Variants in BMP7 observed in about 807,000 individuals in gnomAD.
BMP7 encodes bone morphogenetic protein 7.
Under a neutral mutation model 41.2 loss-of-function variants are expected in BMP7, and 12 were observed. The ratio of observed to expected loss-of-function variants is 0.29; its 90% CI spans 0.19 to 0.47. The LOEUF is 0.47. BMP7 is among the 20% of genes least tolerant of loss of function. The pLI, the probability that BMP7 is intolerant of heterozygous loss-of-function variation, is 0.99. For missense variants in BMP7, 467 were observed against 606.0 expected (o/e 0.77, Z 2.41); for synonymous variants, 248 against 250.0 (o/e 0.99, Z 0.07).
At chr20:57,247,767 A>G (rs2066096078) in intron 1 of BMP7, among the ~76,000 whole-genome samples, 1 of 152,104 alleles carries the variant, frequency 6.6e-6, no homozygotes, top group South Asian at 2.1e-4. Context: ...TGCTCTGTTC[A>G]TCCTCCACTC....
chr20:57,266,383 A>C lies in BMP7; in HGVS notation c.-261T>G. Reference sequence around the variant, plus strand: ...TTGGAAAGCAGCCCCGGCGAACGAAAAGGCGAGTGAGGAGGCGGGCGCGGG... The same window carrying C: ...TTGGAAAGCAGCCCCGGCGAACGAACAGGCGAGTGAGGAGGCGGGCGCGGG... On this transcript the variant is annotated 5_prime_UTR_variant, in exon 1 of 7. Transcript: ENST00000395863. 1.4e-5 allele frequency: 3 copies of C among 207,848 alleles called. No individual in the cohort carries two copies. Among genetic ancestry groups the C allele is most frequent in the East Asian group, 1.2e-4 (1 of 8,448 alleles). The allele number at this position is 207,848 out of a possible 1,614,324, so 12.9% of individuals were successfully genotyped here. A position where few individuals can be genotyped will look rare whatever the true frequency, so the allele number is the denominator to read the frequency against.
chr20:57,175,635 G>A (rs1568702379), intron 4 of BMP7, among the ~76,000 whole-genome samples: 1 of 152,206 alleles, frequency 6.6e-6, no homozygotes, highest in Admixed American at 6.5e-5. Context: ...GAAGCATTCG[G>A]GTCAGGGCCT....
At chr20:57,238,147 C>A (rs2066054728) in intron 1 of BMP7, among the ~76,000 whole-genome samples, 1 of 152,160 alleles carries the variant, frequency 6.6e-6, no homozygotes, top group Non-Finnish European at 1.5e-5. Context: ...AGGCACCCAC[C>A]CTTCTACTTT....
At chr20:57,200,336 C>T (rs1026386730) in intron 3 of BMP7, among the ~76,000 whole-genome samples, 5 of 152,188 alleles carry the variant, frequency 3.3e-5, no homozygotes, top group East Asian at 1.9e-4. Context: ...GAGCCTGGCT[C>T]GGGAGCCCGA....
intron 1 of BMP7, among the ~76,000 whole-genome samples, chr20:57,253,680 G>A (rs2066122856): frequency 6.6e-6 from 1 of 152,128 alleles, no homozygotes; most frequent in South Asian, 2.1e-4. Flanking sequence ...ATGAGCTCAT[G>A]GACATCCATG....
At chr20:57,198,855 T>G (rs1984561153) in intron 3 of BMP7, among the ~76,000 whole-genome samples, 1 of 152,154 alleles carries the variant, frequency 6.6e-6, no homozygotes, top group South Asian at 2.1e-4. Context: ...CTGGCCCAAA[T>G]TACTATCCTC....
intron 1 of BMP7, among the ~76,000 whole-genome samples, chr20:57,238,329 G>T (rs573588924): frequency 2.6e-5 from 4 of 152,310 alleles, no homozygotes; most frequent in Admixed American, 2.0e-4. Context: ...CCACTGTATG[G>T]ATGGGCCACA....
At position 57,168,805 on chromosome 20, in the gene BMP7, C is replaced by G. The variant is rs1476742141; in HGVS notation, c.*2154G>C. 1 of 152,188 alleles carries G rather than the reference C, an allele frequency of 6.6e-6. No homozygotes were observed. The highest frequency in any genetic ancestry group is 2.4e-5 in the African/African-American group (1 of 41,424). 9.4% of individuals were successfully genotyped at this position (152,188 alleles called of 1,614,324 possible). A position where few individuals can be genotyped will look rare whatever the true frequency, so the allele number is the denominator to read the frequency against. On this transcript the variant is annotated 3_prime_UTR_variant, in exon 7 of 7. Coordinates refer to ENST00000395863, the MANE Select transcript of BMP7 (RefSeq NM_001719.3). ...CAAGGTCAAACCCTTTTCATTTTGT[C>G]TATTTATACAGAATTTTCACTAAGG...
At chr20:57,238,315 T>C (rs1171337350) in intron 1 of BMP7, among the ~76,000 whole-genome samples, 1 of 152,244 alleles carries the variant, frequency 6.6e-6, no homozygotes, top group Non-Finnish European at 1.5e-5. Flanking sequence ...GGCTGAATAA[T>C]ATTCCACTGT....
At chr20:57,238,201 G>T (rs2066054976) in intron 1 of BMP7, among the ~76,000 whole-genome samples, 1 of 152,048 alleles carries the variant, frequency 6.6e-6, no homozygotes, top group South Asian at 2.1e-4. Context: ...CCTATAAATG[G>T]AATCACACAG....
chr20:57,263,990 A>G (rs2066163760), intron 1 of BMP7, among the ~76,000 whole-genome samples: 1 of 152,100 alleles, frequency 6.6e-6, no homozygotes, highest in African/African-American at 2.4e-5. Flanking sequence ...ACTCATCTGC[A>G]CCTTGCTTCT....
intron 6 of BMP7, 84 bp downstream of exon 6, chr20:57,173,116 C>T (rs767309601): frequency 7.1e-7 from 1 of 1,398,996 alleles, no homozygotes; most frequent in African/African-American, 1.4e-5. Flanking sequence ...TCTACTCAGG[C>T]CCCAGCTTGG....
intron 1 of BMP7, among the ~76,000 whole-genome samples, chr20:57,249,913 A>C (rs914007468): frequency 6.6e-6 from 1 of 152,108 alleles, no homozygotes; most frequent in Non-Finnish European, 1.5e-5. Context: ...CTGAGCCTTG[A>C]GCCACCCACC....
intron 4 of BMP7, among the ~76,000 whole-genome samples, chr20:57,180,115 G>A (rs116807228): frequency 0.013 from 2,023 of 152,140 alleles, 53 homozygotes; most frequent in African/African-American, 0.046. Flanking sequence ...TCCGGCCTCT[G>A]AGCACCCCCT....
intron 1 of BMP7, among the ~76,000 whole-genome samples, chr20:57,236,953 A>G (rs2123125367): frequency 6.6e-6 from 1 of 152,286 alleles, no homozygotes; most frequent in East Asian, 1.9e-4. Flanking sequence ...CTCCTTCCAA[A>G]ACTTTATGGT....
At chr20:57,237,325 C>T (rs984058926) in intron 1 of BMP7, among the ~76,000 whole-genome samples, 95 of 152,264 alleles carry the variant, frequency 6.2e-4, no homozygotes, top group African/African-American at 2.0e-3. Flanking sequence ...TATCCCGGAA[C>T]GTCCCCGGTA....
At position 57,174,634 on chromosome 20, in the gene BMP7, C is replaced by T. The variant is rs962648021; in HGVS notation, c.1035+297G>A. 5.9e-5 allele frequency among the ~76,000 whole-genome samples: 9 copies of T among 152,178 alleles called. No individual in the cohort carries two copies. The highest frequency in any genetic ancestry group is 1.3e-4 in the Admixed American group (2 of 15,278). On this transcript the variant is annotated intron_variant, in intron 5 of 6. Transcript: ENST00000395863. This position sits in a 1 kb window ranked among gnomAD's most constrained non-coding sequence, Gnocchi z 4.3. ...ATCTACATTCAAACACACGGCCCGG[C>T]ATCATCTTGAGAAGCAGCCAGCCAA...
intron 3 of BMP7, among the ~76,000 whole-genome samples, chr20:57,193,276 G>T (rs2123078558): frequency 6.6e-6 from 1 of 152,302 alleles, no homozygotes; most frequent in South Asian, 2.1e-4. Context: ...TCCCAACTGG[G>T]GTGATGCTGC....
intron 1 of BMP7, among the ~76,000 whole-genome samples, chr20:57,242,395 C>A (rs1459149437): frequency 6.6e-6 from 1 of 152,200 alleles, no homozygotes; most frequent in African/African-American, 2.4e-5. Flanking sequence ...GGGGTTTGGC[C>A]TCATCTGAGC....
Sources: allele counts gnomAD v4.1 joint callset (sites outside exome capture counted in the v4.1 genomes callset), GRCh38; gene constraint gnomAD v4.1.1; non-coding constraint Gnocchi (gnomAD v3.1); transcripts MANE v1.5; gene names NCBI Gene and HGNC (gene_info 2026-07-23, HGNC 2026-07-21).